NDUFAF6: variants seen among roughly 807,000 people sequenced by gnomAD.
NDUFAF6 encodes the protein NADH:ubiquinone oxidoreductase complex assembly factor 6.
Under a neutral mutation model 40.8 loss-of-function variants are expected in NDUFAF6, and 45 were observed. The observed-to-expected ratio is 1.10, with a 90% CI of 0.87 to 1.42. The LOEUF is 1.42. NDUFAF6 is among the 40% of genes most tolerant of loss of function. NDUFAF6 has a pLI of 0.00. For missense variants in NDUFAF6, 435 were observed against 418.5 expected (o/e 1.04, Z -0.34); for synonymous variants, 185 against 155.9 (o/e 1.19, Z -1.39).
intron 1 of NDUFAF6, among the ~76,000 whole-genome samples, 175 bp from the exon 2 acceptor site, chr8:95,031,820 C>T (rs1242281305): frequency 2.0e-5 from 3 of 152,166 alleles, no homozygotes; most frequent in Admixed American, 6.5e-5. Flanking sequence ...AGGCTGGTCT[C>T]GAACTCCTGG....
chr8:95,038,607 C>G (rs1452506380), intron 3 of NDUFAF6, among the ~76,000 whole-genome samples: 1 of 152,170 alleles, frequency 6.6e-6, no homozygotes, highest in Non-Finnish European at 1.5e-5. Flanking sequence ...CTTGGCCTCC[C>G]AAAGTGCTGA....
chr8:94,925,086 G>A (rs185142114), intron 1 of NDUFAF6, among the ~76,000 whole-genome samples: 2 of 152,236 alleles, frequency 1.3e-5, no homozygotes, highest in African/African-American at 4.8e-5. Flanking sequence ...TCAAGTCAAC[G>A]TTCATGACCT....
chr8:94,896,120 G>A (rs979550096), intron 1 of NDUFAF6, among the ~76,000 whole-genome samples: 4 of 152,104 alleles, frequency 2.6e-5, no homozygotes, highest in South Asian at 2.1e-4. Flanking sequence ...CTCCAATTCC[G>A]GGATCCCAGA....
At chr8:95,041,368 G>A (rs1224976105) in intron 3 of NDUFAF6, among the ~76,000 whole-genome samples, 1 of 152,174 alleles carries the variant, frequency 6.6e-6, no homozygotes, top group Non-Finnish European at 1.5e-5. Context: ...AGTATTAGAA[G>A]TATAGTCTTA....
chr8:94,901,985 C>T (rs1818047419), intron 1 of NDUFAF6, among the ~76,000 whole-genome samples: 1 of 152,110 alleles, frequency 6.6e-6, no homozygotes, highest in African/African-American at 2.4e-5. Context: ...TTTTGCTATG[C>T]TTACTTCATC....
chr8:94,910,206 A>T (rs540003940), intron 1 of NDUFAF6, among the ~76,000 whole-genome samples: 1 of 152,058 alleles, frequency 6.6e-6, no homozygotes, highest in East Asian at 1.9e-4. Flanking sequence ...AGGCTGTAGT[A>T]CAGTGGCACA....
At chr8:95,082,235 G>A (rs995020950) in intron 2 of NDUFAF6, among the ~76,000 whole-genome samples, 1 of 152,190 alleles carries the variant, frequency 6.6e-6, no homozygotes, top group African/African-American at 2.4e-5. Flanking sequence ...CCAGCACTTT[G>A]GGAGGCCGAG....
At chr8:94,972,114 T>C (rs1198752817) in intron 1 of NDUFAF6, among the ~76,000 whole-genome samples, 3 of 152,226 alleles carry the variant, frequency 2.0e-5, no homozygotes, top group Non-Finnish European at 2.9e-5. Context: ...ACAAAGATTC[T>C]GATAGTGTCA....
At chr8:95,084,723 A>G (rs1284702610) in intron 2 of NDUFAF6, among the ~76,000 whole-genome samples, 1 of 152,188 alleles carries the variant, frequency 6.6e-6, no homozygotes, top group Admixed American at 6.5e-5. Context: ...GATGGCTAGA[A>G]ATCTAAAATT....
At chr8:95,026,751 A>T (rs1357708124) in intron 1 of NDUFAF6, among the ~76,000 whole-genome samples, 1 of 152,156 alleles carries the variant, frequency 6.6e-6, no homozygotes, top group Non-Finnish European at 1.5e-5. Flanking sequence ...TAGTCTGTGG[A>T]TTTACAAATA....
At chr8:94,987,067 A>G (rs1825948399) in intron 2 of NDUFAF6, among the ~76,000 whole-genome samples, 1 of 152,178 alleles carries the variant, frequency 6.6e-6, no homozygotes, top group Non-Finnish European at 1.5e-5. Context: ...TTGAATCCCC[A>G]TATGTGTCCT....
At chr8:94,982,981 C>T (rs939826969) in intron 2 of NDUFAF6, among the ~76,000 whole-genome samples, 2 of 152,220 alleles carry the variant, frequency 1.3e-5, no homozygotes, top group African/African-American at 4.8e-5. Flanking sequence ...TGGGTTTGTA[C>T]AGCTACTGTT....
At chr8:94,930,776 T>A in intron 1 of NDUFAF6, 1 of 1,583,704 alleles carries the variant, frequency 6.3e-7, no homozygotes, top group African/African-American at 1.4e-5. Flanking sequence ...AGTATGTTAT[T>A]AACAAAACTG....
chr8:94,972,735 T>TAA (rs558408157), intron 1 of NDUFAF6, among the ~76,000 whole-genome samples: 3 of 132,744 alleles, frequency 2.3e-5, no homozygotes, highest in African/African-American at 5.7e-5. Context: ...TACTGAAACT[T>TAA]AAAAAAAAAA....
intron 9 of NDUFAF6, among the ~76,000 whole-genome samples, chr8:95,071,403 G>GAAAA (rs10583999): frequency 3.8e-5 from 4 of 105,488 alleles, no homozygotes; most frequent in African/African-American, 7.4e-5. Context: ...GTCTCCAAAA[G>GAAAA]AAAAAAAAAA....
At chr8:95,036,521 C>A in intron 3 of NDUFAF6, 1 of 1,279,056 alleles carries the variant, frequency 7.8e-7, no homozygotes, top group South Asian at 1.3e-5. Flanking sequence ...TTCTTTACCT[C>A]TGTTCATCCC....
intron 1 of NDUFAF6, among the ~76,000 whole-genome samples, chr8:94,973,382 A>T (rs749354225): frequency 6.6e-6 from 1 of 152,200 alleles, no homozygotes; most frequent in Non-Finnish European, 1.5e-5. Context: ...CCCCATGAGG[A>T]CATAGTGAGA....
At chr8:94,989,100 C>T (rs1227693246) in intron 2 of NDUFAF6, 1 of 152,034 alleles carries the variant, frequency 6.6e-6, no homozygotes, top group Non-Finnish European at 1.5e-5. Flanking sequence ...TACTGAAAAC[C>T]ATTTAATTGT....
chr8:94,925,698 C>T (rs935087376), intron 1 of NDUFAF6, among the ~76,000 whole-genome samples: 1 of 152,066 alleles, frequency 6.6e-6, no homozygotes, highest in Admixed American at 6.6e-5. Context: ...CACCACCACG[C>T]TCAGCTTATT....
Sources: gnomAD v4.1 joint callset for allele counts (sites outside exome capture counted in the v4.1 genomes callset) on GRCh38, gnomAD v4.1.1 for gene constraint, MANE v1.5 for transcripts, NCBI Gene and HGNC (gene_info 2026-07-23, HGNC 2026-07-21) for gene names.